Variants in MED12L observed in about 807,000 individuals in gnomAD.
MED12L encodes the protein mediator complex subunit 12L.
A neutral mutation model predicts 281.3 loss-of-function variants in MED12L; 60 were observed. The observed-to-expected ratio is 0.21, with a 90% CI of 0.17 to 0.26. The LOEUF is 0.26. MED12L is among the 10% of genes least tolerant of loss of function. The pLI is 1.00. For synonymous variants in MED12L, 974 were observed against 987.2 expected (o/e 0.99, Z 0.25); for missense variants, 2,146 against 2,680.9 (o/e 0.80, Z 4.41).
chr3:151,110,848 C>A (rs1176679557), intron 2 of MED12L, among the ~76,000 whole-genome samples: 2 of 152,134 alleles, frequency 1.3e-5, no homozygotes, highest in Non-Finnish European at 2.9e-5. Flanking sequence ...TGGACTTTTC[C>A]TCTTGGGATC....
intron 11 of MED12L, among the ~76,000 whole-genome samples, 161 bp downstream of exon 11, chr3:151,166,143 C>T (rs1720689314): frequency 6.6e-6 from 1 of 152,096 alleles, no homozygotes; most frequent in South Asian, 2.1e-4. Context: ...AGATTACCTA[C>T]CATTATTAAA....
intron 16 of MED12L, among the ~76,000 whole-genome samples, chr3:151,340,366 A>G (rs996990776): frequency 6.6e-6 from 1 of 152,156 alleles, no homozygotes; most frequent in African/African-American, 2.4e-5. Flanking sequence ...AAGACCATTT[A>G]TATTTTATTT....
chr3:151,299,290 C>T (rs1251171092), intron 16 of MED12L, among the ~76,000 whole-genome samples: 2 of 152,106 alleles, frequency 1.3e-5, no homozygotes, highest in Non-Finnish European at 1.5e-5. Flanking sequence ...TATAGGGTGT[C>T]ACTACCAGGG....
chr3:151,218,866 CAAAAAAAAAAAA>C (rs397686351), intron 16 of MED12L, among the ~76,000 whole-genome samples: 48 of 71,364 alleles, frequency 6.7e-4, no homozygotes, highest in Non-Finnish European at 1.1e-3. Context: ...GACTCAGTCT[CAAAAAAAAAAAA>C]AAAAAAAAAA....
At chr3:151,314,496 A>T (rs888948615) in intron 16 of MED12L, among the ~76,000 whole-genome samples, 1 of 152,192 alleles carries the variant, frequency 6.6e-6, no homozygotes, top group Non-Finnish European at 1.5e-5. Context: ...AGTTACAAGT[A>T]TAAGAACTGC....
chr3:151,106,973 A>G (rs1722153579), intron 2 of MED12L, among the ~76,000 whole-genome samples: 1 of 152,076 alleles, frequency 6.6e-6, no homozygotes, highest in Non-Finnish European at 1.5e-5. Flanking sequence ...ACTCATTCTG[A>G]CAATTCCAGT....
At chr3:151,258,560 G>A (rs1157190721) in intron 16 of MED12L, among the ~76,000 whole-genome samples, 1 of 152,112 alleles carries the variant, frequency 6.6e-6, no homozygotes, top group Non-Finnish European at 1.5e-5. Context: ...GGGCTGTGGT[G>A]CATCCTGAGG....
At chr3:151,121,747 A>AC (rs1213027137) in intron 3 of MED12L, among the ~76,000 whole-genome samples, 1 of 151,962 alleles carries the variant, frequency 6.6e-6, no homozygotes, top group Non-Finnish European at 1.5e-5. Flanking sequence ...ATGGAGTCTC[A>AC]CTCTGTCATC....
intron 16 of MED12L, among the ~76,000 whole-genome samples, chr3:151,195,468 G>C (rs990604769): frequency 1.3e-5 from 2 of 151,838 alleles, no homozygotes; most frequent in Admixed American, 6.6e-5. Context: ...TCTATGTCCA[G>C]GGATATGTCA....
chr3:151,338,743 G>A, intron 16 of MED12L: 1 of 1,613,792 alleles, frequency 6.2e-7, no homozygotes, highest in Non-Finnish European at 8.5e-7. Flanking sequence ...ACAAAAAACA[G>A]GACAGTGTAG....
At chr3:151,135,251 A>C (rs529981251) in intron 5 of MED12L, among the ~76,000 whole-genome samples, 1 of 152,326 alleles carries the variant, frequency 6.6e-6, no homozygotes, top group Non-Finnish European at 1.5e-5. Flanking sequence ...TCCTGACCTC[A>C]GGTGATCTGC....
intron 16 of MED12L, among the ~76,000 whole-genome samples, chr3:151,284,078 A>G (rs550711612): frequency 2.6e-4 from 39 of 152,214 alleles, no homozygotes; most frequent in Non-Finnish European, 4.7e-4. Context: ...TAATGAATGT[A>G]AGAACATACT....
At chr3:151,303,235 C>T (rs565729916) in intron 16 of MED12L, among the ~76,000 whole-genome samples, 3 of 152,180 alleles carry the variant, frequency 2.0e-5, no homozygotes, top group South Asian at 4.1e-4. Context: ...TAGTCTCTTT[C>T]GCTGATGTAG....
In MED12L at chr3:151,307,531, CTCTGTGTGTGTGTGTGTGTGTG is replaced by C. The variant is rs1266524019; in HGVS notation, c.2251-42526_2251-42505del. Among the ~76,000 whole-genome samples, 273 of 120,534 alleles carry C rather than the reference CTCTGTGTGTGTGTGTGTGTGTG, an allele frequency of 2.3e-3. 1 individual carries two copies. The highest frequency in any genetic ancestry group is 7.9e-3 in the African/African-American group (267 of 33,902). The allele number at this position is 120,534 out of a possible 152,430, so 79.1% of individuals were successfully genotyped here. ...TTTTTAGGTGACCTCAGGTAACTTG[CTCTGTGTGTGTGTGTGTGTGTG>C]TGTGTGTGTGTGTGTGTGTGTGTGT... is the stretch of plus-strand genomic sequence containing the variant. On this transcript the variant is annotated intron_variant, in intron 16 of 44. Coordinates refer to ENST00000687756, the MANE Select transcript of MED12L (RefSeq NM_001393769.1).
Position 151,350,180 on chromosome 3 carries a change from A to T in MED12L, c.2372A>T (p.Asn791Ile), listed in dbSNP as rs1188475734. The T allele has an allele frequency of 6.2e-7, 1 of 1,613,936 alleles. No individual in the cohort carries two copies. Among genetic ancestry groups the T allele is most frequent in the South Asian group, 1.1e-5 (1 of 91,070 alleles). ...KITKDILKILNKKSTTETGVG... is the reference protein window; with the variant it reads ...KITKDILKILIKKSTTETGVG... ...ACCAAAGATATCCTGAAAATTCTAA[A>T]TAAGAAGAGCACCACAGAGACAGGG... Residue 791 changes from asparagine (N) to isoleucine (I), a missense_variant, in exon 17 of 45, where the codon AAT becomes ATT. This residue lies in a region of MED12L where 404 missense variants were observed against 603.5 expected (regional missense o/e 0.67). Transcript: ENST00000687756.
chr3:151,375,214 G>A (rs1756682974), intron 27 of MED12L, among the ~76,000 whole-genome samples: 1 of 152,160 alleles, frequency 6.6e-6, no homozygotes, highest in South Asian at 2.1e-4. Flanking sequence ...TGGGCCCTGG[G>A]CATGGAATTT....
intron 16 of MED12L, among the ~76,000 whole-genome samples, chr3:151,302,971 A>T (rs1478529971): frequency 6.6e-6 from 1 of 152,198 alleles, no homozygotes; most frequent in East Asian, 1.9e-4. Flanking sequence ...AGCAAGGATT[A>T]CAGAGGTTCC....
At chr3:151,227,064 G>C (rs1345533593) in intron 16 of MED12L, among the ~76,000 whole-genome samples, 1 of 152,312 alleles carries the variant, frequency 6.6e-6, no homozygotes, top group South Asian at 2.1e-4. Context: ...GTGAGCTCAA[G>C]ATCAGGTCAC....
chr3:151,274,425 AT>A (rs1741511397), intron 16 of MED12L, among the ~76,000 whole-genome samples: 1 of 152,184 alleles, frequency 6.6e-6, no homozygotes, highest in Non-Finnish European at 1.5e-5. Context: ...GGTAGTGCTT[AT>A]AGGCATATTT....
Sources: gnomAD v4.1 joint callset for allele counts (sites outside exome capture counted in the v4.1 genomes callset) on GRCh38, gnomAD v4.1.1 for gene constraint, gnomAD v4.1.1 regional missense constraint, MANE v1.5 for transcripts, NCBI Gene and HGNC (gene_info 2026-07-23, HGNC 2026-07-21) for gene names.